Variants in CACNB4 observed in about 807,000 individuals in gnomAD.
CACNB4 encodes the protein calcium voltage-gated channel auxiliary subunit beta 4, also known as voltage-dependent L-type calcium channel subunit beta-4.
Under a neutral mutation model 71.2 loss-of-function variants are expected in CACNB4, and 32 were observed. That is an observed-to-expected ratio of 0.45 (90% CI 0.34 to 0.60). The LOEUF (loss-of-function observed/expected upper bound fraction) is 0.60. Ranked by LOEUF, CACNB4 falls within the 20% of genes least tolerant of loss-of-function variation. The pLI, the probability that CACNB4 is intolerant of heterozygous loss-of-function variation, is 0.01. For missense variants in CACNB4, 464 were observed against 647.9 expected, an observed-to-expected ratio of 0.72 and a Z score of 3.08; for synonymous variants, 231 against 236.9, an observed-to-expected ratio of 0.97 and a Z score of 0.23.
chr2:151,857,906 G>A (rs1293913445), intron 10 of CACNB4: 2 of 152,348 alleles, frequency 1.3e-5, no homozygotes, highest in East Asian at 3.9e-4. Context: ...TAGGCAACAG[G>A]CACTTGGGCA....
At chr2:152,047,842 T>C (rs1579197307) in intron 2 of CACNB4, among the ~76,000 whole-genome samples, 1 of 152,160 alleles carries the variant, frequency 6.6e-6, no homozygotes, top group African/African-American at 2.4e-5. Flanking sequence ...GAGGTTGCAG[T>C]GAGCTGAGAT....
chr2:152,068,402 G>A lies in CACNB4; in HGVS notation c.147+29928C>T, dbSNP rs1261346074. Among the ~76,000 whole-genome samples, 7 of 152,224 alleles carry A rather than the reference G, an allele frequency of 4.6e-5. 1 individual carries two copies. Among genetic ancestry groups the A allele is most frequent in the South Asian group, 2.1e-4 (1 of 4,818 alleles). ...GAGCCAGTAACTACAGTCAGGTCCC[G>A]GCACAGCCCAAGCAGGGAAATATAG... On this transcript the variant is annotated intron_variant, in intron 2 of 13. Transcript: ENST00000539935.
intron 2 of CACNB4, among the ~76,000 whole-genome samples, chr2:152,041,195 TTC>T (rs1684856405): frequency 6.6e-6 from 1 of 152,230 alleles, no homozygotes; most frequent in African/African-American, 2.4e-5. Flanking sequence ...CAAATGATTT[TTC>T]TCTCTCTCAT....
At chr2:151,872,076 A>G (rs2099844782) in intron 6 of CACNB4, 2 of 271,056 alleles carry the variant, frequency 7.4e-6, no homozygotes, top group South Asian at 7.2e-5. Flanking sequence ...AGTCTGCATC[A>G]TTTTTTTCCT....
At chr2:152,043,106 C>T (rs1402772791) in intron 2 of CACNB4, among the ~76,000 whole-genome samples, 1 of 152,192 alleles carries the variant, frequency 6.6e-6, no homozygotes, top group Non-Finnish European at 1.5e-5. Context: ...TTGCCCACTC[C>T]TTTCCCAGAA....
chr2:151,861,851 A>AAAAAAAAAAACAAAAAAAAAAC (rs201014643), intron 9 of CACNB4: 2 of 135,288 alleles, frequency 1.5e-5, no homozygotes, highest in Non-Finnish European at 3.2e-5. Context: ...TCAAAAAAAA[A>AAAAAAAAAAACAAAAAAAAAAC]AAAAAAACTG....
chr2:152,089,146 C>T (rs937278241), intron 2 of CACNB4, among the ~76,000 whole-genome samples: 4 of 152,324 alleles, frequency 2.6e-5, no homozygotes, highest in African/African-American at 7.2e-5. Context: ...AAGTTCAGAA[C>T]TGACACTCTT....
intron 2 of CACNB4, among the ~76,000 whole-genome samples, chr2:151,985,444 G>T (rs1264538118): frequency 6.6e-6 from 1 of 152,120 alleles, no homozygotes; most frequent in African/African-American, 2.4e-5. Flanking sequence ...TCTTGGGCTA[G>T]ATTCCCATAT....
intron 2 of CACNB4, among the ~76,000 whole-genome samples, chr2:152,080,958 G>A (rs1377003669): frequency 1.3e-5 from 2 of 152,068 alleles, no homozygotes; most frequent in African/African-American, 2.4e-5. Flanking sequence ...GAAGCTTGCT[G>A]AGGCCCTCAC....
chr2:151,993,094 G>C (rs1171500650), intron 2 of CACNB4, among the ~76,000 whole-genome samples: 1 of 151,700 alleles, frequency 6.6e-6, no homozygotes, highest in Non-Finnish European at 1.5e-5. Context: ...GTGGGAAGAA[G>C]GGACAAGAAA....
intron 2 of CACNB4, among the ~76,000 whole-genome samples, chr2:151,892,367 T>TAAAAAA (rs201052921): frequency 7.1e-6 from 1 of 139,976 alleles, no homozygotes; most frequent in East Asian, 2.0e-4. Flanking sequence ...ACTTGTGTCT[T>TAAAAAA]AAAAAAAAAA....
At chr2:151,880,262 T>A (rs1386516619) in intron 4 of CACNB4, 1 of 154,098 alleles carries the variant, frequency 6.5e-6, no homozygotes, top group African/African-American at 2.4e-5. Context: ...ATCCCACCCT[T>A]CTTGGCTACT....
intron 2 of CACNB4, among the ~76,000 whole-genome samples, chr2:152,027,852 C>CAAAAAA (rs5835403): frequency 5.2e-5 from 4 of 76,210 alleles, no homozygotes; most frequent in African/African-American, 1.1e-4. Flanking sequence ...GACTCCGTCT[C>CAAAAAA]AAAAAAAAAA....
intron 2 of CACNB4, among the ~76,000 whole-genome samples, chr2:151,946,468 C>A (rs2099865645): frequency 6.6e-6 from 1 of 152,182 alleles, no homozygotes; most frequent in South Asian, 2.1e-4. Context: ...CAAAATCCTA[C>A]ATTACTCACT....
chr2:151,958,305 G>A (rs754348050), intron 2 of CACNB4, among the ~76,000 whole-genome samples: 31 of 152,180 alleles, frequency 2.0e-4, no homozygotes, highest in Non-Finnish European at 2.9e-4. Flanking sequence ...GTACAGGCCC[G>A]GAACAGATAG....
rs769265354 is a variant in CACNB4, at chr2:151,838,966, A to G, written c.*153T>C. 3.4e-6 allele frequency: 2 copies of G among 589,870 alleles called. No individual in the cohort carries two copies. The highest frequency in any genetic ancestry group is 5.9e-6 in the Non-Finnish European group (2 of 338,900). The allele number at this position is 589,870 out of a possible 1,614,324, so 36.5% of individuals were successfully genotyped here. A position where few individuals can be genotyped will look rare whatever the true frequency, so the allele number is the denominator to read the frequency against. On this transcript the variant is annotated 3_prime_UTR_variant, in exon 14 of 14. Transcript: ENST00000539935. Reference sequence around the variant, plus strand: ...CCATCTAGACTCAAGGGCATAATGTAATTTTTTTTTTTGCCCCTTACTTAG... The same window carrying G: ...CCATCTAGACTCAAGGGCATAATGTGATTTTTTTTTTTGCCCCTTACTTAG...
chr2:151,952,092 T>C (rs1486740959), intron 2 of CACNB4, among the ~76,000 whole-genome samples: 4 of 152,196 alleles, frequency 2.6e-5, no homozygotes, highest in African/African-American at 9.7e-5. Flanking sequence ...TATATGTATA[T>C]ACACCATCTA....
rs1688430799 is a variant in CACNB4 at position 152,098,784 on chromosome 2, G to A, written c.63+165C>T. 1 of 1,244,444 alleles carries A rather than the reference G, an allele frequency of 8.0e-7. No homozygotes were observed. Among genetic ancestry groups the A allele is most frequent in the Non-Finnish European group, 1.1e-6 (1 of 895,390 alleles). The allele number at this position is 1,244,444 out of a possible 1,614,324, so 77.1% of individuals were successfully genotyped here. A position where few individuals can be genotyped will look rare whatever the true frequency, so the allele number is the denominator to read the frequency against. Reference sequence around the variant, plus strand: ...AAGAGAAGGAGGAGAAAGAGGAGGAGCGGGAGGAGAAAGGGACGTGGAGGA... The same window carrying A: ...AAGAGAAGGAGGAGAAAGAGGAGGAACGGGAGGAGAAAGGGACGTGGAGGA... On this transcript the variant is annotated intron_variant, in intron 1 of 13. Transcript: ENST00000539935. The surrounding 1 kb of genome is among the most constrained non-coding windows in gnomAD (Gnocchi z 5.3).
intron 2 of CACNB4, among the ~76,000 whole-genome samples, chr2:151,933,999 A>AATTC (rs2099862302): frequency 1.3e-5 from 2 of 151,950 alleles, no homozygotes; most frequent in South Asian, 4.2e-4. Flanking sequence ...TCCTACTCTG[A>AATTC]AGAGAGTTAT....
Sources: gnomAD v4.1 joint callset for allele counts (sites outside exome capture counted in the v4.1 genomes callset) on GRCh38, gnomAD v4.1.1 for gene constraint, Gnocchi (gnomAD v3.1) non-coding constraint, MANE v1.5 for transcripts, NCBI Gene and HGNC (gene_info 2026-07-23, HGNC 2026-07-21) for gene names.